TFAP2E: variants seen among roughly 807,000 people sequenced by gnomAD.
The protein encoded by TFAP2E is transcription factor AP-2-epsilon.
Under a neutral mutation model 37.9 loss-of-function variants are expected in TFAP2E, and 30 were observed. The ratio of observed to expected loss-of-function variants is 0.79; its 90% CI spans 0.59 to 1.07. The LOEUF (loss-of-function observed/expected upper bound fraction) is 1.07, where lower values mean the gene tolerates loss of function less well. TFAP2E is among the 50% of genes least tolerant of loss of function. The pLI, the probability that TFAP2E is intolerant of heterozygous loss-of-function variation, is 0.00. For missense variants in TFAP2E, 567 were observed against 637.9 expected (o/e 0.89, Z 1.20); for synonymous variants, 318 against 295.8 (o/e 1.08, Z -0.77).
At chr1:35,595,345 T>C (rs1001343971), downstream of TFAP2E, 2 of 152,442 alleles carry the variant, frequency 1.3e-5, no homozygotes, top group Non-Finnish European at 2.9e-5. Context: ...GTGCAACTTA[T>C]TTATCCCAAT....
At chr1:35,583,390 C>T (rs78971485) in intron 3 of TFAP2E, among the ~76,000 whole-genome samples, 2,771 of 152,192 alleles carry the variant, frequency 0.018, 83 homozygotes, top group African/African-American at 0.063. Flanking sequence ...ATGATCCACC[C>T]GCCTTGCCTT....
chr1:35,577,657 G>T lies in TFAP2E; in HGVS notation c.562+2657G>T, dbSNP rs1195344594. The T allele has an allele frequency of 1.3e-5, 4 of 306,544 alleles. No homozygotes were observed. The Admixed American group carries it at 1.6e-4, about 13-fold the overall frequency. The allele number at this position is 306,544 out of a possible 1,614,324, so 19.0% of individuals were successfully genotyped here. On this transcript the variant is annotated intron_variant, in intron 3 of 6. Transcript: ENST00000373235. The surrounding 1 kb of genome is among the most constrained non-coding windows in gnomAD (Gnocchi z 6.3). The stretch of plus-strand genomic sequence containing the variant: ...CCACCCCAGAAGCGGCCTTCGCATC[G>T]CTGCGGTGGGCGTTCTCGGGCTTCG...
At chr1:35,584,624 G>C (rs1250946299) in intron 3 of TFAP2E, among the ~76,000 whole-genome samples, 2 of 152,034 alleles carry the variant, frequency 1.3e-5, no homozygotes, top group Non-Finnish European at 2.9e-5. Flanking sequence ...TGCAACCTCT[G>C]CCTCTTGGGC....
rs770358350 is a variant in TFAP2E at position 35,594,711 on chromosome 1, G to A, written c.*35G>A. ...CCACCCCATCCCTAAGGGGCTCCCA[G>A]GCCCTGAAATAGGGACTTAGCTCTT... On this transcript the variant is annotated 3_prime_UTR_variant, in exon 7 of 7. Transcript: ENST00000373235. 29 of 1,611,876 alleles carry A rather than the reference G, an allele frequency of 1.8e-5. 1 individual carries two copies. The South Asian group carries it at 3.0e-4, about 16-fold the overall frequency.
chr1:35,582,595 G>T (rs1571102764), intron 3 of TFAP2E, among the ~76,000 whole-genome samples: 1 of 144,758 alleles, frequency 6.9e-6, no homozygotes. Context: ...CTCCTGTCTT[G>T]GCCTCCCTAA....
chr1:35,594,479 G>A lies in TFAP2E; in HGVS notation c.1132G>A (p.Gly378Arg), dbSNP rs558308026. The A allele has an allele frequency of 4.8e-5, 78 of 1,614,186 alleles. No individual in the cohort carries two copies. The East Asian group carries it at 1.3e-3, about 27-fold the overall frequency. ...CCGCCCAGCACTCATCCTGGAGCCC[G>A]GAGTACAGAGCTGCTTGACACACTT... ...NSRPALILEP[G>R]VQSCLTHFSL... Residue 378 changes from glycine to arginine, a missense_variant, in exon 7 of 7, where the codon GGA becomes AGA. Gly to Arg is a moderately radical substitution (Grantham distance 125, BLOSUM62 -2). Around this residue, in one of 3 missense-constraint regions of TFAP2E, gnomAD observed 252 missense variants for 302.6 expected, o/e 0.83. Coordinates refer to ENST00000373235, the MANE Select transcript of TFAP2E (RefSeq NM_178548.4).
At position 35,588,430 on chromosome 1, in the gene TFAP2E, G is replaced by A; in HGVS notation, c.663G>A (p.Val221=). The A allele has an allele frequency of 6.2e-7, 1 of 1,611,854 alleles. No individual in the cohort carries two copies. The highest frequency in any genetic ancestry group is 1.3e-5 in the African/African-American group (1 of 75,032). ...ITNPGEVFCS[V]PGRLSLLSST... is the part of the protein sequence containing the mutation. ...ATCCTGGTGAGGTCTTCTGCTCCGT[G>A]CCCGGCCGGCTTTCACTGCTCAGCT... The change falls in exon 4 of 7, where the codon GTG becomes GTA. Residue 221 remains valine, a synonymous_variant. Coordinates refer to ENST00000373235, the MANE Select transcript of TFAP2E (RefSeq NM_178548.4). The surrounding 1 kb of genome is among the most constrained non-coding windows in gnomAD (Gnocchi z 5.1).
intron 3 of TFAP2E, among the ~76,000 whole-genome samples, chr1:35,580,624 C>A (rs1341389046): frequency 6.6e-6 from 1 of 151,680 alleles, no homozygotes. Flanking sequence ...CCAAAAAAAA[C>A]ATTAGCTGGG....
intron 3 of TFAP2E, among the ~76,000 whole-genome samples, chr1:35,587,730 G>A (rs558695936): frequency 6.6e-6 from 1 of 152,090 alleles, no homozygotes; most frequent in South Asian, 2.1e-4. Context: ...ATTAGGGAGT[G>A]TTTGGGGAGG....
At chr1:35,582,616 T>A (rs1649380904) in intron 3 of TFAP2E, among the ~76,000 whole-genome samples, 2 of 151,400 alleles carry the variant, frequency 1.3e-5, no homozygotes, top group South Asian at 4.2e-4. Context: ...GTGCTAGGGT[T>A]ACAGGAGTGA....
intron 6 of TFAP2E, among the ~76,000 whole-genome samples, chr1:35,591,321 A>C (rs1332134796): frequency 6.6e-6 from 1 of 151,946 alleles, no homozygotes; most frequent in Non-Finnish European, 1.5e-5. Flanking sequence ...TGGGTCCTAC[A>C]CTCACATACA....
At chr1:35,586,408 G>C (rs370394811) in intron 3 of TFAP2E, among the ~76,000 whole-genome samples, 4 of 152,284 alleles carry the variant, frequency 2.6e-5, no homozygotes, top group African/African-American at 9.6e-5. Flanking sequence ...GATTCTCAGG[G>C]AACTGACCGG....
intron 3 of TFAP2E, among the ~76,000 whole-genome samples, chr1:35,578,665 C>A (rs1035112570): frequency 6.6e-5 from 10 of 152,038 alleles, no homozygotes; most frequent in South Asian, 4.1e-4. Context: ...TGTCTTTGGC[C>A]CTGGAGAAGG....
At chr1:35,589,584 G>A (rs60354543) in intron 4 of TFAP2E, among the ~76,000 whole-genome samples, 5,360 of 152,072 alleles carry the variant, frequency 0.035, 257 homozygotes, top group African/African-American at 0.11. Context: ...ATGTCACTGC[G>A]TGTCTCTACA....
At position 35,573,835 on chromosome 1, in the gene TFAP2E, A is replaced by G; in HGVS notation, c.28-92A>G. The stretch of plus-strand genomic sequence containing the variant: ...GGCCCCAAGAAACGGGAGGGACTGC[A>G]GCTGAACCCTCCCGAGCTGAGGAGG... On this transcript the variant is annotated intron_variant, in intron 1 of 6. Transcript: ENST00000373235. The surrounding 1 kb of genome is among the most constrained non-coding windows in gnomAD (Gnocchi z 5.9). 1 of 1,386,918 alleles carries G rather than the reference A, an allele frequency of 7.2e-7. No homozygotes were observed. Among genetic ancestry groups the G allele is most frequent in the Non-Finnish European group, 9.3e-7 (1 of 1,072,472 alleles). 85.9% of individuals were successfully genotyped at this position (1,386,918 alleles called of 1,614,324 possible). A position where few individuals can be genotyped will look rare whatever the true frequency, so the allele number is the denominator to read the frequency against.
At chr1:35,579,941 T>G in intron 3 of TFAP2E, among the ~76,000 whole-genome samples, 1 of 152,054 alleles carries the variant, frequency 6.6e-6, no homozygotes, top group East Asian at 1.9e-4. Flanking sequence ...GCGCAGTGGC[T>G]TATGCCTGTA....
At chr1:35,583,366 A>G (rs776055753) in intron 3 of TFAP2E, among the ~76,000 whole-genome samples, 7 of 151,854 alleles carry the variant, frequency 4.6e-5, no homozygotes, top group Non-Finnish European at 8.8e-5. Context: ...CTGGTCTCAA[A>G]CTCCTGACCT....
chr1:35,579,328 G>A (rs919845237), intron 3 of TFAP2E, among the ~76,000 whole-genome samples: 95 of 151,072 alleles, frequency 6.3e-4, no homozygotes, highest in South Asian at 1.3e-3. Flanking sequence ...CCTGCGGGGC[G>A]GAGGTTGCAG....
At position 35,588,028 on chromosome 1, in the gene TFAP2E, A is replaced by C. The variant is rs1649534761; in HGVS notation, c.563-302A>C. 6.6e-6 allele frequency among the ~76,000 whole-genome samples: 1 copy of C among 152,188 alleles called. No homozygotes were observed. The highest frequency in any genetic ancestry group is 1.5e-5 in the Non-Finnish European group (1 of 67,980). ...CCCAGGGGTCCTGCCTCCAGCTCAC[A>C]CTCATATCCTTACATCCAGGTCCCT... On this transcript the variant is annotated intron_variant, in intron 3 of 6. Transcript: ENST00000373235. The surrounding 1 kb of genome is among the most constrained non-coding windows in gnomAD (Gnocchi z 5.1).
Sources: allele counts gnomAD v4.1 joint callset (sites outside exome capture counted in the v4.1 genomes callset), GRCh38; gene constraint gnomAD v4.1.1; regional missense constraint gnomAD v4.1.1; non-coding constraint Gnocchi (gnomAD v3.1); transcripts MANE v1.5; gene names NCBI Gene and HGNC (gene_info 2026-07-23, HGNC 2026-07-21).